The following IL6R variants were observed in gnomAD, a reference collection of about 807,000 sequenced individuals.
IL6R encodes the protein interleukin-6 receptor subunit alpha.
A neutral mutation model predicts 48.3 loss-of-function variants in IL6R; 38 were observed. That is an observed-to-expected ratio of 0.79 (90% CI 0.61 to 1.03). The LOEUF (loss-of-function observed/expected upper bound fraction) is 1.03. Ranked by LOEUF, IL6R falls within the 50% of genes least tolerant of loss-of-function variation. IL6R has a pLI of 0.00. For missense variants in IL6R, 534 were observed against 618.3 expected, an observed-to-expected ratio of 0.86 and a Z score of 1.45; for synonymous variants, 264 against 256.2, an observed-to-expected ratio of 1.03 and a Z score of -0.29.
At chr1:154,414,487 C>T (rs554625699) in intron 1 of IL6R, 89 of 923,912 alleles carry the variant, frequency 9.6e-5, no homozygotes, top group African/African-American at 1.6e-4. Flanking sequence ...TGTTGGGGCC[C>T]GGGACCCACC....
At chr1:154,424,764 C>T (rs556067511) in intron 1 of IL6R, among the ~76,000 whole-genome samples, 4 of 152,256 alleles carry the variant, frequency 2.6e-5, no homozygotes, top group South Asian at 2.1e-4. Context: ...TGGAGTTCAA[C>T]GCACTGGACC....
At chr1:154,450,058 G>A in intron 8 of IL6R, 78 bp downstream of exon 8, 3 of 884,922 alleles carry the variant, frequency 3.4e-6, no homozygotes, top group South Asian at 2.6e-5. Context: ...TTTCTTATTT[G>A]GACATGTCGT....
rs1373455665 is a variant in IL6R at position 154,445,849 on chromosome 1, G to A, written c.950-2276G>A. ...GGCTCCAGACGAAGCTGACTCTGGC[G>A]GGGTTTGGAAAACTGCTGAACTGCA... On this transcript the variant is annotated intron_variant, in intron 6 of 9. Transcript: ENST00000368485. Among the ~76,000 whole-genome samples the A allele has an allele frequency of 1.1e-4, 17 of 152,080 alleles. 1 individual carries two copies. The highest frequency in any genetic ancestry group is 1.1e-3 in the Admixed American group (17 of 15,276).
At chr1:154,445,342 G>T (rs971081884) in intron 6 of IL6R, among the ~76,000 whole-genome samples, 1 of 152,128 alleles carries the variant, frequency 6.6e-6, no homozygotes, top group Non-Finnish European at 1.5e-5. Context: ...AACCTGAGCC[G>T]CCAGAGGTTA....
intron 9 of IL6R, among the ~76,000 whole-genome samples, chr1:154,463,520 T>A (rs1031194622): frequency 6.6e-5 from 10 of 152,204 alleles, no homozygotes; most frequent in Non-Finnish European, 1.5e-4. Context: ...GTTTTTGACA[T>A]TGGTTTCCCC....
At chr1:154,445,675 A>G (rs954422453) in intron 6 of IL6R, among the ~76,000 whole-genome samples, 9 of 151,508 alleles carry the variant, frequency 5.9e-5, no homozygotes, top group South Asian at 2.1e-4. Context: ...GCTTGAACCC[A>G]GGAGGCGGAG....
intron 1 of IL6R, among the ~76,000 whole-genome samples, chr1:154,423,067 CAGTG>C (rs1688769808): frequency 6.6e-6 from 1 of 151,800 alleles, no homozygotes; most frequent in South Asian, 2.1e-4. Context: ...GTGACAGTGA[CAGTG>C]AGAGAACTCA....
At chr1:154,428,917 G>A (rs1012120146) in intron 1 of IL6R, among the ~76,000 whole-genome samples, 9 of 152,150 alleles carry the variant, frequency 5.9e-5, no homozygotes, top group African/African-American at 2.2e-4. Flanking sequence ...GAGGAGCTTG[G>A]ACTTCATCTT....
intron 1 of IL6R, among the ~76,000 whole-genome samples, chr1:154,415,473 GA>G (rs1688287621): frequency 6.6e-6 from 1 of 152,130 alleles, no homozygotes; most frequent in Non-Finnish European, 1.5e-5. Context: ...TTGGCATAGC[GA>G]GTAGTTAAAA....
intron 3 of IL6R, among the ~76,000 whole-genome samples, chr1:154,433,345 C>A (rs551667105): frequency 5.3e-4 from 80 of 152,254 alleles, no homozygotes; most frequent in African/African-American, 1.9e-3. Flanking sequence ...GGTTTCCAGG[C>A]CAGGTGGGAT....
intron 1 of IL6R, among the ~76,000 whole-genome samples, chr1:154,422,673 C>A (rs1455583517): frequency 6.6e-6 from 1 of 152,192 alleles, no homozygotes; most frequent in Non-Finnish European, 1.5e-5. Flanking sequence ...TGCTCACGGA[C>A]AAATGCTCCG....
intron 1 of IL6R, among the ~76,000 whole-genome samples, chr1:154,427,673 C>T (rs1265154101): frequency 6.6e-6 from 1 of 152,166 alleles, no homozygotes; most frequent in Admixed American, 6.5e-5. Flanking sequence ...GCTGTCTCCG[C>T]CCCTTTGATG....
At position 154,466,391 on chromosome 1, in the gene IL6R, C is replaced by G. The variant is rs1052807717; in HGVS notation, c.*1011C>G. 1 of 152,166 alleles carries G rather than the reference C, an allele frequency of 6.6e-6. No homozygotes were observed. Among genetic ancestry groups the G allele is most frequent in the African/African-American group, 2.4e-5 (1 of 41,424 alleles). 9.4% of individuals were successfully genotyped at this position (152,166 alleles called of 1,614,324 possible). A position where few individuals can be genotyped will look rare whatever the true frequency, so the allele number is the denominator to read the frequency against. ...AAGACAATGTGAAAAGAAAAATGAG[C>G]CTGGCAAGAATGTGTTTAAACTTGG... is the stretch of plus-strand genomic sequence containing the variant. On this transcript the variant is annotated 3_prime_UTR_variant, in exon 10 of 10. Coordinates refer to ENST00000368485, the MANE Select transcript of IL6R (RefSeq NM_000565.4).
At chr1:154,434,361 T>C (rs1326773905) in intron 3 of IL6R, among the ~76,000 whole-genome samples, 158 bp from the exon 4 acceptor site, 1 of 152,058 alleles carries the variant, frequency 6.6e-6, no homozygotes, top group African/African-American at 2.4e-5. Context: ...GTAGTATTAA[T>C]ATTCCTATTT....
intron 1 of IL6R, among the ~76,000 whole-genome samples, chr1:154,424,536 C>T (rs529255457): frequency 4.1e-4 from 62 of 152,320 alleles, no homozygotes; most frequent in African/African-American, 1.3e-3. Flanking sequence ...CTGTTTCCAT[C>T]TTTGCTCCTG....
At chr1:154,423,470 A>G (rs6689306) in intron 1 of IL6R, among the ~76,000 whole-genome samples, 91,142 of 150,420 alleles carry the variant, frequency 0.61, 28,252 homozygotes, top group African/African-American at 0.72. Context: ...ACTGCCACCC[A>G]GCTGTCAGGG....
Position 154,469,351 on chromosome 1 carries a change from T to C in IL6R, c.*3971T>C, listed in dbSNP as rs1691689379. 6.6e-6 allele frequency: 1 copy of C among 150,410 alleles called. No homozygotes were observed. The highest frequency in any genetic ancestry group is 6.8e-5 in the Admixed American group (1 of 14,676). 9.3% of individuals were successfully genotyped at this position (150,410 alleles called of 1,614,324 possible). A position where few individuals can be genotyped will look rare whatever the true frequency, so the allele number is the denominator to read the frequency against. On this transcript the variant is annotated 3_prime_UTR_variant, in exon 10 of 10. Transcript: ENST00000368485. ...AATACCAAAGGCTGATGTCTGTATA[T>C]GGGGCAAAGGGTCAGTATATTTTTC... is the stretch of plus-strand genomic sequence containing the variant.
chr1:154,412,249 C>T (rs549126721), intron 1 of IL6R, among the ~76,000 whole-genome samples: 2 of 147,802 alleles, frequency 1.4e-5, no homozygotes, highest in East Asian at 2.0e-4. Context: ...GCCCGGTGAG[C>T]CTTTTTTTTT....
In IL6R at chr1:154,435,148, A is replaced by G; in HGVS notation, c.799A>G (p.Thr267Ala). The change falls in exon 5 of 10, where the codon ACA (threonine) becomes GCA (alanine). Residue 267 changes from threonine to alanine, a missense_variant. Physicochemically the swap from Thr to Ala is moderately conservative, Grantham distance 58 (BLOSUM62 0). Coordinates refer to ENST00000368485, the MANE Select transcript of IL6R (RefSeq NM_000565.4). ...YRAERSKTFTTWMVKDLQHHC... is the reference protein window; with the variant it reads ...YRAERSKTFTAWMVKDLQHHC... ...GGCTGAACGGTCAAAGACATTCACA[A>G]CATGGATGGTAAATTTATGTTTTAC... 3 of 1,614,052 alleles carry G rather than the reference A, an allele frequency of 1.9e-6. No homozygotes were observed. The highest frequency in any genetic ancestry group is 2.5e-6 in the Non-Finnish European group (3 of 1,179,908).
Sources: gnomAD v4.1 joint callset for allele counts (sites outside exome capture counted in the v4.1 genomes callset) on GRCh38, gnomAD v4.1.1 for gene constraint, MANE v1.5 for transcripts, NCBI Gene and HGNC (gene_info 2026-07-23, HGNC 2026-07-21) for gene names.